The following SLC24A5 variants were observed in gnomAD, a reference collection of about 807,000 sequenced individuals.
SLC24A5 encodes solute carrier family 24 member 5.
SLC24A5 carries 46 observed loss-of-function variants against 51.6 expected under a neutral mutation model. The observed-to-expected ratio is 0.89, with a 90% confidence interval of 0.70 to 1.14. The LOEUF is 1.14. Ranked by LOEUF, SLC24A5 falls within the 50% of genes most tolerant of loss-of-function variation. The pLI is 0.00. For synonymous variants in SLC24A5, 230 were observed against 214.9 expected, an observed-to-expected ratio of 1.07 and a Z score of -0.62; for missense variants, 581 against 604.1, an observed-to-expected ratio of 0.96 and a Z score of 0.40.
chr15:48,133,992 G>A (rs1031851426), intron 2 of SLC24A5, among the ~76,000 whole-genome samples: 9 of 152,042 alleles, frequency 5.9e-5, no homozygotes, highest in East Asian at 1.9e-4. Context: ...GCCTCTGAAC[G>A]CTTTTCTGGG....
chr15:48,137,059 A>G, intron 6 of SLC24A5, 96 bp downstream of exon 6: 1 of 1,319,286 alleles, frequency 7.6e-7, no homozygotes, highest in Non-Finnish European at 1.0e-6. Flanking sequence ...CTTTTTATGT[A>G]AAAAAGACTG....
rs1433814988 is a variant in SLC24A5 at position 48,136,749 on chromosome 15, A to C, written c.657A>C (p.Lys219Asn). The change falls in exon 6 of 9, where the codon AAA becomes AAC. Residue 219 changes from lysine to asparagine, a missense_variant. Lys to Asn is a moderately conservative substitution (Grantham distance 94, BLOSUM62 0). Coordinates refer to ENST00000341459, the MANE Select transcript of SLC24A5 (RefSeq NM_205850.3). ...TTTTGGTGCTGTGTTTTGACATTAA[A>C]ATTAACCAATATATTATAAAGAAAT... ...LYVLVLCFDI[K>N]INQYIIKKCS... is the part of the protein sequence containing the mutation. 6.2e-7 allele frequency: 1 copy of C among 1,613,430 alleles called. No homozygotes were observed. Among genetic ancestry groups the C allele is most frequent in the Non-Finnish European group, 8.5e-7 (1 of 1,179,746 alleles).
chr15:48,122,138 G>A, intron 2 of SLC24A5, 102 bp downstream of exon 2: 1 of 1,238,494 alleles, frequency 8.1e-7, no homozygotes. Context: ...CTTCTCAACT[G>A]GTTGCAGAGC....
At chr15:48,127,073 G>A (rs895645726) in intron 2 of SLC24A5, among the ~76,000 whole-genome samples, 5 of 152,224 alleles carry the variant, frequency 3.3e-5, no homozygotes, top group South Asian at 2.1e-4. Context: ...TTCAAATCCC[G>A]GCTCTGCCAT....
chr15:48,142,310 G>A lies in SLC24A5; in HGVS notation c.1462G>A (p.Gly488Arg). 1 of 1,609,174 alleles carries A rather than the reference G, an allele frequency of 6.2e-7. No individual in the cohort carries two copies. Among genetic ancestry groups the A allele is most frequent in the South Asian group, 1.1e-5 (1 of 90,444 alleles). The change falls in exon 9 of 9, where the codon GGA becomes AGA. Residue 488 changes from glycine to arginine, a missense_variant. Coordinates refer to ENST00000341459, the MANE Select transcript of SLC24A5 (RefSeq NM_205850.3). ...LATLSVLYEL[G>R]IIGNNKIRGC... Reference sequence around the variant, plus strand: ...TACATTATCAGTTCTATATGAACTTGGAATTATTGGAAATAATAAAATAAG... The same window carrying A: ...TACATTATCAGTTCTATATGAACTTAGAATTATTGGAAATAATAAAATAAG...
chr15:48,139,437 A>C (rs1350186919), intron 7 of SLC24A5: 2 of 285,850 alleles, frequency 7.0e-6, no homozygotes, highest in Non-Finnish European at 1.3e-5. Flanking sequence ...TCAAATTCAT[A>C]GGATGTCTTT....
At chr15:48,125,152 C>T (rs1306744359) in intron 2 of SLC24A5, among the ~76,000 whole-genome samples, 1 of 151,936 alleles carries the variant, frequency 6.6e-6, no homozygotes, top group Non-Finnish European at 1.5e-5. Flanking sequence ...TAATAGTTAT[C>T]AACATAACCC....
chr15:48,142,114 T>C lies in SLC24A5; in HGVS notation c.1266T>C (p.Thr422=). 1 of 1,613,894 alleles carries C rather than the reference T, an allele frequency of 6.2e-7. No individual in the cohort carries two copies. The highest frequency in any genetic ancestry group is 1.7e-5 in the Admixed American group (1 of 60,022). ...TTGGTATTCCATGGTTTATTAAAACTGCATTTATAAATGGATCAGCTCCTG... is the reference window on the plus strand; with the variant it reads ...TTGGTATTCCATGGTTTATTAAAACCGCATTTATAAATGGATCAGCTCCTG... ...LCLGIPWFIK[T]AFINGSAPAE... Residue 422 remains threonine, a synonymous_variant, in exon 9 of 9, where the codon ACT becomes ACC. Transcript: ENST00000341459.
At position 48,129,089 on chromosome 15, in the gene SLC24A5, T is replaced by C. The variant is rs557409142; in HGVS notation, c.302-5169T>C. Among the ~76,000 whole-genome samples, 15 of 152,220 alleles carry C rather than the reference T, an allele frequency of 9.9e-5. No homozygotes were observed. The East Asian group carries it at 2.9e-3, about 29-fold the overall frequency. ...GCTAAGAGCAGGTAGAAATCCACTG[T>C]AATATTACAGCTGTTAGATTGGGGA... On this transcript the variant is annotated intron_variant, in intron 2 of 8. Transcript: ENST00000341459.
At chr15:48,125,688 C>T (rs2038723974) in intron 2 of SLC24A5, among the ~76,000 whole-genome samples, 1 of 152,096 alleles carries the variant, frequency 6.6e-6, no homozygotes, top group South Asian at 2.1e-4. Context: ...TCATTTTGGA[C>T]CTTTGGCAAC....
chr15:48,141,260 A>G (rs779266638), intron 8 of SLC24A5, 46 bp downstream of exon 8: 37 of 1,426,350 alleles, frequency 2.6e-5, no homozygotes, highest in Non-Finnish European at 3.6e-5. Context: ...CTACAAGGCT[A>G]GAATGAGTAA....
chr15:48,130,814 C>T (rs1410491241), intron 2 of SLC24A5, among the ~76,000 whole-genome samples: 1 of 152,006 alleles, frequency 6.6e-6, no homozygotes, highest in African/African-American at 2.4e-5. Flanking sequence ...GATTATGGTG[C>T]CAGTGCCACA....
At position 48,120,996 on chromosome 15, in the gene SLC24A5, C is replaced by A. The variant is rs368169202; in HGVS notation, c.-49C>A. On this transcript the variant is annotated 5_prime_UTR_variant, in exon 1 of 9. Transcript: ENST00000341459. ...TCCTCACATGATCCAGTTTAATCCT[C>A]CTCTTCTCCCTTCCTGAAGCTGCAC... is the stretch of plus-strand genomic sequence containing the variant. 6.3e-7 allele frequency: 1 copy of A among 1,592,888 alleles called. No homozygotes were observed. Among genetic ancestry groups the A allele is most frequent in the South Asian group, 1.2e-5 (1 of 86,866 alleles).
At chr15:48,123,608 TA>T (rs1437510098) in intron 2 of SLC24A5, 1 of 152,206 alleles carries the variant, frequency 6.6e-6, no homozygotes, top group Non-Finnish European at 1.5e-5. Flanking sequence ...TCATAAAATT[TA>T]AAACTATTAC....
intron 5 of SLC24A5, chr15:48,136,149 A>C (rs1462428671): frequency 6.6e-6 from 1 of 152,174 alleles, no homozygotes; most frequent in Non-Finnish European, 1.5e-5. Flanking sequence ...CATTCAAATC[A>C]TTAAAAATGC....
intron 1 of SLC24A5, 132 bp from the exon 2 acceptor site, chr15:48,121,725 T>C (rs2038681001): frequency 1.1e-6 from 1 of 923,842 alleles, no homozygotes; most frequent in Non-Finnish European, 1.7e-6. Flanking sequence ...AGAAGCGCTT[T>C]ATACATTTTC....
At chr15:48,131,364 C>T (rs1022081768) in intron 2 of SLC24A5, among the ~76,000 whole-genome samples, 1 of 151,952 alleles carries the variant, frequency 6.6e-6, no homozygotes. Context: ...GGTATTTGTC[C>T]ACTCCAAATC....
Position 48,134,324 on chromosome 15 carries a change from T to C in SLC24A5, c.368T>C (p.Leu123Ser), listed in dbSNP as rs1478366062. The change falls in exon 3 of 9, where the codon TTA (leucine) becomes TCA (serine). Residue 123 changes from leucine to serine, a missense_variant. Leu to Ser is a moderately radical substitution (Grantham distance 145, BLOSUM62 -2). Coordinates refer to ENST00000341459, the MANE Select transcript of SLC24A5 (RefSeq NM_205850.3). Reference sequence around the variant, plus strand: ...GCAGCGGGCAGTTCAGCTCCTGAATTAGTTACTGCTTTCCTAGGTAAATAT... The same window carrying C: ...GCAGCGGGCAGTTCAGCTCCTGAATCAGTTACTGCTTTCCTAGGTAAATAT... ...FMAAGSSAPE[L>S]VTAFLGVFIT... The C allele has an allele frequency of 6.2e-7, 1 of 1,613,506 alleles. No homozygotes were observed. The highest frequency in any genetic ancestry group is 1.3e-5 in the African/African-American group (1 of 74,880).
chr15:48,132,367 C>G (rs1314608216), intron 2 of SLC24A5, among the ~76,000 whole-genome samples: 1 of 152,066 alleles, frequency 6.6e-6, no homozygotes, highest in African/African-American at 2.4e-5. Flanking sequence ...TGCAACTTAT[C>G]TCTAACATCA....
Sources: gnomAD v4.1 joint callset for allele counts (sites outside exome capture counted in the v4.1 genomes callset) on GRCh38, gnomAD v4.1.1 for gene constraint, MANE v1.5 for transcripts, NCBI Gene and HGNC (gene_info 2026-07-23, HGNC 2026-07-21) for gene names.